Variants in PCDHGA4 observed in about 807,000 individuals in gnomAD.
PCDHGA4 encodes protocadherin gamma-A4.
Under a neutral mutation model 54.6 loss-of-function variants are expected in PCDHGA4, and 38 were observed. That is an observed-to-expected ratio of 0.70 (90% CI 0.54 to 0.91). The LOEUF (loss-of-function observed/expected upper bound fraction) is 0.91. PCDHGA4 is among the 40% of genes least tolerant of loss of function. The probability of loss-of-function intolerance (pLI) is 0.00; values close to 1 mark genes in which losing one functional copy is unlikely to be tolerated. For missense variants in PCDHGA4, 1,298 were observed against 1,220.9 expected (o/e 1.06, Z -0.94); for synonymous variants, 511 against 512.9 (o/e 1.00, Z 0.05).
intron 1 of PCDHGA4, chr5:141,478,582 G>T: frequency 1.3e-6 from 2 of 1,579,988 alleles, no homozygotes; most frequent in Non-Finnish European, 1.7e-6. Context: ...CCCTGTTAGT[G>T]CTTTTTTATT....
chr5:141,394,290 G>A (rs759077173), intron 1 of PCDHGA4: 11 of 1,613,800 alleles, frequency 6.8e-6, no homozygotes, highest in Non-Finnish European at 8.5e-6. Context: ...CTCTGTGACC[G>A]AGGACACGCT....
At chr5:141,403,776 G>A (rs1312851147) in intron 1 of PCDHGA4, 1 of 1,613,926 alleles carries the variant, frequency 6.2e-7, no homozygotes, top group East Asian at 2.2e-5. Flanking sequence ...GGAATCAACG[G>A]AAAAGTGGCA....
chr5:141,490,288 G>T lies in PCDHGA4; in HGVS notation c.2515-4519G>T, dbSNP rs2099698282. 1.2e-6 allele frequency: 2 copies of T among 1,614,080 alleles called. No homozygotes were observed. Among genetic ancestry groups the T allele is most frequent in the South Asian group, 1.1e-5 (1 of 91,092 alleles). On this transcript the variant is annotated intron_variant, in intron 1 of 3. Transcript: ENST00000571252. This position sits in a 1 kb window ranked among gnomAD's most constrained non-coding sequence, Gnocchi z 5.4. ...GGATGTCAATGACAATGCCCCAGAG[G>T]TGCTATTGGCCTCTTTGGCCAACCC...
intron 1 of PCDHGA4, among the ~76,000 whole-genome samples, chr5:141,453,357 C>T (rs1027586816): frequency 1.3e-5 from 2 of 152,002 alleles, no homozygotes; most frequent in Admixed American, 6.6e-5. Flanking sequence ...TGACCCTGAA[C>T]TCCTGGGGTC....
At position 141,477,850 on chromosome 5, in the gene PCDHGA4, G is replaced by A; in HGVS notation, c.2515-16957G>A. On this transcript the variant is annotated intron_variant, in intron 1 of 3. Transcript: ENST00000571252. The surrounding 1 kb of genome is among the most constrained non-coding windows in gnomAD (Gnocchi z 4.9). ...CTCGGCCAGGTGGGAGCTCGGTGGAGATGCTGCCTCGAGGTACCTCAGCTG... is the reference window on the plus strand; with the variant it reads ...CTCGGCCAGGTGGGAGCTCGGTGGAAATGCTGCCTCGAGGTACCTCAGCTG... 6.2e-7 allele frequency: 1 copy of A among 1,613,446 alleles called. No homozygotes were observed. Among genetic ancestry groups the A allele is most frequent in the Admixed American group, 1.7e-5 (1 of 59,958 alleles).
chr5:141,404,929 G>A (rs766845913), intron 1 of PCDHGA4: 46 of 1,613,744 alleles, frequency 2.9e-5, no homozygotes, highest in Admixed American at 2.3e-4. Flanking sequence ...CCACTGTCAC[G>A]CTCACAGTAG....
At chr5:141,507,785 C>T (rs1203302886) in intron 3 of PCDHGA4, among the ~76,000 whole-genome samples, 1 of 152,222 alleles carries the variant, frequency 6.6e-6, no homozygotes, top group African/African-American at 2.4e-5. Context: ...GCCTGACCCT[C>T]GTCTAAGCCT....
intron 1 of PCDHGA4, chr5:141,370,948 A>G (rs1401435063): frequency 6.2e-7 from 1 of 1,613,966 alleles, no homozygotes. Flanking sequence ...CAGAAGGAGA[A>G]CCTGGATGGC....
At chr5:141,508,029 A>C (rs941166006) in intron 3 of PCDHGA4, 10 of 152,264 alleles carry the variant, frequency 6.6e-5, no homozygotes, top group African/African-American at 2.4e-4. Flanking sequence ...TGCGGTTTGC[A>C]GCTCAGCCAG....
rs372054375 is a variant in PCDHGA4, at chr5:141,490,825, A to T, written c.2515-3982A>T. 9 of 1,613,692 alleles carry T rather than the reference A, an allele frequency of 5.6e-6. No individual in the cohort carries two copies. The highest frequency in any genetic ancestry group is 3.3e-4 in the Middle Eastern group (2 of 6,062). On this transcript the variant is annotated intron_variant, in intron 1 of 3. Transcript: ENST00000571252. This position sits in a 1 kb window ranked among gnomAD's most constrained non-coding sequence, Gnocchi z 5.4. ...TACCTTTGACTATGAATTGCTGCAG[A>T]TGCTGCAGATTGTGGTGGGGGTTCG... is the stretch of plus-strand genomic sequence containing the variant.
intron 1 of PCDHGA4, chr5:141,371,497 T>C: frequency 1.2e-6 from 2 of 1,613,908 alleles, no homozygotes; most frequent in South Asian, 2.2e-5. Context: ...GCCGTTGCCC[T>C]GATCAAAACA....
Position 141,489,119 on chromosome 5 carries a change from C to T in PCDHGA4, c.2515-5688C>T, listed in dbSNP as rs1236074950. The T allele has an allele frequency of 2.0e-5, 13 of 650,240 alleles. No individual in the cohort carries two copies. Among genetic ancestry groups the T allele is most frequent in the African/African-American group, 9.1e-5 (5 of 55,178 alleles). 40.3% of individuals were successfully genotyped at this position (650,240 alleles called of 1,614,324 possible). ...GAACTGCTGCAAGCAGGCAAACCTC[C>T]GAGCAGTTTTTAAGAGGCTGGAAGG... On this transcript the variant is annotated intron_variant, in intron 1 of 3. Coordinates refer to ENST00000571252, the MANE Select transcript of PCDHGA4 (RefSeq NM_018917.4). This position sits in a 1 kb window ranked among gnomAD's most constrained non-coding sequence, Gnocchi z 4.5.
intron 1 of PCDHGA4, chr5:141,471,361 C>T (rs1206745378): frequency 6.6e-6 from 1 of 151,976 alleles, no homozygotes; most frequent in Non-Finnish European, 1.5e-5. Context: ...TCCAAGCCCC[C>T]TATTTTTATT....
At position 141,431,782 on chromosome 5, in the gene PCDHGA4, C is replaced by A. The variant is rs767269112; in HGVS notation, c.2515-63025C>A. The A allele has an allele frequency of 6.2e-7, 1 of 1,614,082 alleles. No homozygotes were observed. On this transcript the variant is annotated intron_variant, in intron 1 of 3. Transcript: ENST00000571252. This position sits in a 1 kb window ranked among gnomAD's most constrained non-coding sequence, Gnocchi z 4.8. Reference sequence around the variant, plus strand: ...TCCTGATCACTGTTCTGGACGTGAACGACAATGCCCCAGAAGTGGTCCTCA... The same window carrying A: ...TCCTGATCACTGTTCTGGACGTGAAAGACAATGCCCCAGAAGTGGTCCTCA...
rs994009107 is a variant in PCDHGA4 at position 141,490,364 on chromosome 5, G to A, written c.2515-4443G>A. ...ACAGTAGTGGGGTTGTTTAATGTGC[G>A]AGACCGGGACTCAGGTAGAAATGGT... On this transcript the variant is annotated intron_variant, in intron 1 of 3. Transcript: ENST00000571252. The surrounding 1 kb of genome is among the most constrained non-coding windows in gnomAD (Gnocchi z 5.4). 7 of 1,614,056 alleles carry A rather than the reference G, an allele frequency of 4.3e-6. No individual in the cohort carries two copies. In the African/African-American group the frequency reaches 5.3e-5, roughly 12 times the overall value.
chr5:141,427,890 G>T lies in PCDHGA4; in HGVS notation c.2515-66917G>T, dbSNP rs1438515062. 1.9e-6 allele frequency: 3 copies of T among 1,566,844 alleles called. No homozygotes were observed. In the South Asian group the frequency reaches 3.3e-5, roughly 17 times the overall value. Reference sequence around the variant, plus strand: ...GCTCACGATGCAGGCCCACGACCAGGGCTCGCCCGCGCTCAGCGCCAACAT... The same window carrying T: ...GCTCACGATGCAGGCCCACGACCAGTGCTCGCCCGCGCTCAGCGCCAACAT... On this transcript the variant is annotated intron_variant, in intron 1 of 3. Transcript: ENST00000571252.
intron 2 of PCDHGA4, among the ~76,000 whole-genome samples, chr5:141,503,570 G>T (rs996006002): frequency 3.4e-4 from 50 of 147,216 alleles, no homozygotes; most frequent in African/African-American, 1.2e-3. Context: ...CTGTACTCCA[G>T]CCTGGGTGAC....
chr5:141,357,096 G>C lies in PCDHGA4; in HGVS notation c.1989G>C (p.Leu663=), dbSNP rs1487734992. The C allele has an allele frequency of 6.2e-7, 1 of 1,613,886 alleles. No homozygotes were observed. The change falls in exon 1 of 4, where the codon CTG becomes CTC. Residue 663 remains leucine, a synonymous_variant. Transcript: ENST00000571252. ...HTGEVRTARA[L]LDRDALKQRL... is the part of the protein sequence containing the mutation. The stretch of plus-strand genomic sequence containing the variant: ...GCGAGGTGCGCACCGCACGGGCCCT[G>C]CTGGACAGAGACGCGCTCAAGCAGA...
At chr5:141,399,415 T>C in intron 1 of PCDHGA4, 1 of 1,613,974 alleles carries the variant, frequency 6.2e-7, no homozygotes, top group Non-Finnish European at 8.5e-7. Context: ...GCCCCTCTCC[T>C]CCAGCATAAG....
Sources: gnomAD v4.1 joint callset for allele counts (sites outside exome capture counted in the v4.1 genomes callset) on GRCh38, gnomAD v4.1.1 for gene constraint, Gnocchi (gnomAD v3.1) non-coding constraint, MANE v1.5 for transcripts, NCBI Gene and HGNC (gene_info 2026-07-23, HGNC 2026-07-21) for gene names.